The following ZBED3 variants were observed in gnomAD, a reference collection of about 807,000 sequenced individuals.
ZBED3 encodes zinc finger BED-type containing 3, also known as zinc finger BED domain-containing protein 3.
For synonymous variants in ZBED3, 175 were observed against 180.0 expected, an observed-to-expected ratio of 0.97 and a Z score of 0.22; for missense variants, 388 against 362.9, an observed-to-expected ratio of 1.07 and a Z score of -0.56.
At chr5:77,081,812 A>G (rs1246253992) in intron 1 of ZBED3, among the ~76,000 whole-genome samples, 1 of 152,198 alleles carries the variant, frequency 6.6e-6, no homozygotes, top group Non-Finnish European at 1.5e-5. Context: ...TCAAATGCTC[A>G]TTGTGCACCT....
In ZBED3 at chr5:77,077,317, C is replaced by T. The variant is rs1379554220; in HGVS notation, c.562G>A (p.Glu188Lys). The change falls in exon 3 of 3, where the codon GAG becomes AAG. Residue 188 changes from glutamate to lysine, a missense_variant. Physicochemically the swap from Glu to Lys is moderately conservative, Grantham distance 56 (BLOSUM62 1). Transcript: ENST00000255198. ...AGCCGCGCCTGCAGCGCCTCCCGCT[C>T]GGCCTGCAGTTCCCGGCGCGCCTGG... ...AAQARRELQA[E>K]REALQARLRD... 2.1e-5 allele frequency: 28 copies of T among 1,303,838 alleles called. No homozygotes were observed. Among genetic ancestry groups the T allele is most frequent in the Middle Eastern group, 5.0e-4 (2 of 3,974 alleles). The allele number at this position is 1,303,838 out of a possible 1,614,324, so 80.8% of individuals were successfully genotyped here. A position where few individuals can be genotyped will look rare whatever the true frequency, so the allele number is the denominator to read the frequency against.
At chr5:77,078,544 A>T (rs889239434) in intron 2 of ZBED3, 50 bp downstream of exon 2, 1 of 152,252 alleles carries the variant, frequency 6.6e-6, no homozygotes, top group African/African-American at 2.4e-5. Flanking sequence ...CTTTTAAGAT[A>T]TGCACATTTA....
In ZBED3 at chr5:77,076,955, C is replaced by T; in HGVS notation, c.*219G>A. ...CCCACGAAAGGCCGCCCAGGCACCC[C>T]CGGTGACCCCATGGAAGTGAGTTTT... is the stretch of plus-strand genomic sequence containing the variant. On this transcript the variant is annotated 3_prime_UTR_variant, in exon 3 of 3. Coordinates refer to ENST00000255198, the MANE Select transcript of ZBED3 (RefSeq NM_032367.4). The T allele has an allele frequency of 2.7e-6, 1 of 377,144 alleles. No individual in the cohort carries two copies. The highest frequency in any genetic ancestry group is 4.6e-6 in the Non-Finnish European group (1 of 216,368). The allele number at this position is 377,144 out of a possible 1,614,324, so 23.4% of individuals were successfully genotyped here.
intron 1 of ZBED3, chr5:77,080,290 T>G: frequency 2.9e-6 from 1 of 341,984 alleles, no homozygotes; most frequent in Non-Finnish European, 5.7e-6. Context: ...CCTTAAAAAC[T>G]GGAATGCCCA....
Position 77,073,099 on chromosome 5 carries a change from C to A in ZBED3, c.*4075G>T. 1 of 140,782 alleles carries A rather than the reference C, an allele frequency of 7.1e-6. No individual in the cohort carries two copies. The highest frequency in any genetic ancestry group is 1.5e-5 in the Non-Finnish European group (1 of 66,566). 8.7% of individuals were successfully genotyped at this position (140,782 alleles called of 1,614,324 possible). A position where few individuals can be genotyped will look rare whatever the true frequency, so the allele number is the denominator to read the frequency against. On this transcript the variant is annotated 3_prime_UTR_variant, in exon 3 of 3. Transcript: ENST00000255198. ...TTGTCTACAAACAAAATTTTTTTAT[C>A]ATAAAAGTAATTCATACTTTGTGTA...
At chr5:77,078,261 C>T (rs1019609178) in intron 2 of ZBED3, among the ~76,000 whole-genome samples, 32 of 145,290 alleles carry the variant, frequency 2.2e-4, no homozygotes, top group African/African-American at 8.8e-4. Flanking sequence ...ATAACAACAA[C>T]GACAACAATA....
rs1742968799 is a variant in ZBED3, at chr5:77,075,943, AC to A, written c.*1230del. The A allele has an allele frequency of 1.7e-4, 2 of 11,488 alleles. No individual in the cohort carries two copies. The highest frequency in any genetic ancestry group is 3.9e-4 in the Non-Finnish European group (2 of 5,186). 0.7% of individuals were successfully genotyped at this position (11,488 alleles called of 1,614,324 possible). ...CCCTAGAACTTAAAGTATTATATAT[AC>A]ATATATATATATATATATATATGTA... is the stretch of plus-strand genomic sequence containing the variant. On this transcript the variant is annotated 3_prime_UTR_variant, in exon 3 of 3. Transcript: ENST00000255198.
In ZBED3 at chr5:77,078,611, G is replaced by T. The variant is rs919314674; in HGVS notation, c.-35C>A. ...ATTTTTACCTTTAAATTAGACAGTG[G>T]GTAATTTCCCAAGGATTCTGGGGTC... On this transcript the variant is annotated 5_prime_UTR_variant, in exon 2 of 3. Transcript: ENST00000255198. 6.6e-6 allele frequency: 1 copy of T among 152,164 alleles called. No individual in the cohort carries two copies. Among genetic ancestry groups the T allele is most frequent in the Non-Finnish European group, 1.5e-5 (1 of 68,032 alleles). 9.4% of individuals were successfully genotyped at this position (152,164 alleles called of 1,614,324 possible). A position where few individuals can be genotyped will look rare whatever the true frequency, so the allele number is the denominator to read the frequency against.
At chr5:77,084,936 G>T (rs1743207980) in intron 1 of ZBED3, among the ~76,000 whole-genome samples, 1 of 152,208 alleles carries the variant, frequency 6.6e-6, no homozygotes, top group Non-Finnish European at 1.5e-5. Flanking sequence ...GGAAATTTTT[G>T]AGTGTAATTT....
rs1554048052 is a variant in ZBED3, at chr5:77,076,025, A to AGATATATG, written c.*1148_*1149insCATATATC. 1.4e-5 allele frequency: 1 copy of AGATATATG among 72,550 alleles called. No individual in the cohort carries two copies. Among genetic ancestry groups the AGATATATG allele is most frequent in the African/African-American group, 5.3e-5 (1 of 18,758 alleles). The allele number at this position is 72,550 out of a possible 1,614,324, so 4.5% of individuals were successfully genotyped here. On this transcript the variant is annotated 3_prime_UTR_variant, in exon 3 of 3. Coordinates refer to ENST00000255198, the MANE Select transcript of ZBED3 (RefSeq NM_032367.4). ...TGTATATATATATGTATATATGTAT[A>AGATATATG]TATATATGTATATATGTATATATAT... is the stretch of plus-strand genomic sequence containing the variant.
intron 1 of ZBED3, among the ~76,000 whole-genome samples, chr5:77,082,622 A>G (rs1043952273): frequency 1.3e-5 from 2 of 152,224 alleles, no homozygotes; most frequent in Non-Finnish European, 2.9e-5. Flanking sequence ...AGTAATATAC[A>G]TATCTGTAGA....
chr5:77,077,242 G>A lies in ZBED3; in HGVS notation c.637C>T (p.Pro213Ser). Residue 213 changes from proline (P) to serine (S), a missense_variant, in exon 3 of 3, where the codon CCG (proline) becomes TCG (serine). Coordinates refer to ENST00000255198, the MANE Select transcript of ZBED3 (RefSeq NM_032367.4). ...TCGGGGTCGTCCTTGAGCGGCGGCG[G>A]CGCAGCGGGGGCCCAGCCCAGGGCG... ...EGALGWAPAA[P>S]PPLKDDPEGD... The A allele has an allele frequency of 6.8e-7, 1 of 1,477,756 alleles. No individual in the cohort carries two copies. 91.5% of individuals were successfully genotyped at this position (1,477,756 alleles called of 1,614,324 possible). A position where few individuals can be genotyped will look rare whatever the true frequency, so the allele number is the denominator to read the frequency against.
In ZBED3 at chr5:77,077,453, G is replaced by C. The variant is rs1743041949; in HGVS notation, c.426C>G (p.Arg142=). 1.7e-6 allele frequency: 2 copies of C among 1,209,904 alleles called. No homozygotes were observed. The highest frequency in any genetic ancestry group is 3.9e-5 in the East Asian group (1 of 25,434). 74.9% of individuals were successfully genotyped at this position (1,209,904 alleles called of 1,614,324 possible). A position where few individuals can be genotyped will look rare whatever the true frequency, so the allele number is the denominator to read the frequency against. ...CCAGCTCCCGCTCCCGCCGGCTGCC[G>C]CGCACGGCCAGCGCGCCCATCTGTT... is the stretch of plus-strand genomic sequence containing the variant. ...LLEQMGALAV[R]GSRRERELER... The change falls in exon 3 of 3, where the codon CGC becomes CGG. Residue 142 remains arginine (R), a synonymous_variant. Transcript: ENST00000255198.
chr5:77,074,499 C>G lies in ZBED3; in HGVS notation c.*2675G>C, dbSNP rs886275730. The G allele has an allele frequency of 6.6e-6, 1 of 152,170 alleles. No homozygotes were observed. Among genetic ancestry groups the G allele is most frequent in the African/African-American group, 2.4e-5 (1 of 41,432 alleles). 9.4% of individuals were successfully genotyped at this position (152,170 alleles called of 1,614,324 possible). ...GCCACTGTATGACTTGAAGGTGATA[C>G]TAACTCCCCTGAACCTGTCTCATCT... On this transcript the variant is annotated 3_prime_UTR_variant, in exon 3 of 3. Transcript: ENST00000255198.
In ZBED3 at chr5:77,072,609, G is replaced by C. The variant is rs896209006; in HGVS notation, c.*4565C>G. ...GATGGATAGATTTTTATATACCTTT[G>C]GGATTCCTCAGATTACTTTGTAGTC... On this transcript the variant is annotated 3_prime_UTR_variant, in exon 3 of 3. Transcript: ENST00000255198. The C allele has an allele frequency of 6.6e-6, 1 of 152,172 alleles. No homozygotes were observed. Among genetic ancestry groups the C allele is most frequent in the Non-Finnish European group, 1.5e-5 (1 of 68,036 alleles). 9.4% of individuals were successfully genotyped at this position (152,172 alleles called of 1,614,324 possible).
chr5:77,085,791 A>T (rs1476989290), intron 1 of ZBED3, among the ~76,000 whole-genome samples: 1 of 152,276 alleles, frequency 6.6e-6, no homozygotes, highest in African/African-American at 2.4e-5. Context: ...TAGAAAAATT[A>T]GTCTGGAATC....
rs1432787819 is a variant in ZBED3 at position 77,072,533 on chromosome 5, G to A, written c.*4641C>T. On this transcript the variant is annotated 3_prime_UTR_variant, in exon 3 of 3. Coordinates refer to ENST00000255198, the MANE Select transcript of ZBED3 (RefSeq NM_032367.4). Reference sequence around the variant, plus strand: ...GTTCCAGAAATGTTGAAGCATTTTGGGAATAACTGTATAGTCTTCCAGGTC... The same window carrying A: ...GTTCCAGAAATGTTGAAGCATTTTGAGAATAACTGTATAGTCTTCCAGGTC... The A allele has an allele frequency of 6.6e-6, 1 of 152,178 alleles. No individual in the cohort carries two copies. The allele number at this position is 152,178 out of a possible 1,614,324, so 9.4% of individuals were successfully genotyped here.
chr5:77,077,165 G>A lies in ZBED3; in HGVS notation c.*9C>T. On this transcript the variant is annotated 3_prime_UTR_variant, in exon 3 of 3. Coordinates refer to ENST00000255198, the MANE Select transcript of ZBED3 (RefSeq NM_032367.4). ...AGCGCTGTCCTGGGGTGGGGAAGTG[G>A]CCACACCCCTACAGGAGGACCTTTG... is the stretch of plus-strand genomic sequence containing the variant. 1 of 1,452,766 alleles carries A rather than the reference G, an allele frequency of 6.9e-7. No homozygotes were observed. The highest frequency in any genetic ancestry group is 9.1e-7 in the Non-Finnish European group (1 of 1,104,620). 90.0% of individuals were successfully genotyped at this position (1,452,766 alleles called of 1,614,324 possible).
At position 77,075,990 on chromosome 5, in the gene ZBED3, T is replaced by TAC. The variant is rs1186960716; in HGVS notation, c.*1183_*1184insGT. On this transcript the variant is annotated 3_prime_UTR_variant, in exon 3 of 3. Coordinates refer to ENST00000255198, the MANE Select transcript of ZBED3 (RefSeq NM_032367.4). The stretch of plus-strand genomic sequence containing the variant: ...ATGTATATGTATATATGTATATATA[T>TAC]ATGTATATATGTATATATATATGTA... The TAC allele has an allele frequency of 2.3e-5, 1 of 43,322 alleles. No individual in the cohort carries two copies. The highest frequency in any genetic ancestry group is 2.8e-4 in the Admixed American group (1 of 3,598). 2.7% of individuals were successfully genotyped at this position (43,322 alleles called of 1,614,324 possible).
Sources: gnomAD v4.1 joint callset for allele counts (sites outside exome capture counted in the v4.1 genomes callset) on GRCh38, gnomAD v4.1.1 for gene constraint, MANE v1.5 for transcripts, NCBI Gene and HGNC (gene_info 2026-07-23, HGNC 2026-07-21) for gene names.